Variants in ZNF114 observed in about 807,000 individuals in gnomAD.
ZNF114 encodes zinc finger protein 114 (Y18).
In ZNF114, 8 loss-of-function variants were observed where a neutral mutation model predicts 6.8. That is an observed-to-expected ratio of 1.18 (90% confidence interval 0.69 to 2.13). ZNF114 has a LOEUF of 2.13. ZNF114 is among the 30% of genes most tolerant of loss of function. ZNF114 has a pLI of 0.00. For synonymous variants in ZNF114, 169 were observed against 185.5 expected, an observed-to-expected ratio of 0.91 and a Z score of 0.72; for missense variants, 472 against 519.5, an observed-to-expected ratio of 0.91 and a Z score of 0.89.
intron 4 of ZNF114, among the ~76,000 whole-genome samples, chr19:48,280,264 G>A (rs1568992666): frequency 2.0e-5 from 3 of 152,090 alleles, no homozygotes; most frequent in South Asian, 2.1e-4. Context: ...CACGGCTGTC[G>A]TCCCAGCTAC....
intron 4 of ZNF114, among the ~76,000 whole-genome samples, chr19:48,280,118 C>T (rs537192377): frequency 2.6e-5 from 4 of 152,126 alleles, no homozygotes; most frequent in Non-Finnish European, 5.9e-5. Context: ...TGCAGTGGCT[C>T]AAGCCTGTAA....
chr19:48,282,100 A>ATGCTGGCCAGGCTGGTCTCGAAC (rs1968009091), intron 4 of ZNF114: 1 of 279,216 alleles, frequency 3.6e-6, no homozygotes, highest in South Asian at 3.5e-5. Context: ...GGGTTTCACC[A>ATGCTGGCCAGGCTGGTCTCGAAC]TGCTGGCCAG....
chr19:48,286,327 T>TC lies in ZNF114; in HGVS notation c.706dup (p.Leu236ProfsTer2). On this transcript the variant is annotated frameshift_variant, in exon 6 of 6. Transcript: ENST00000595607. LOFTEE classifies it low-confidence loss of function (END_TRUNC). ...TGGAAAAGCTTTCCGTGAAGACGGA[T>TC]CCCTTAGGGCACACAACACTCATGG... 6.2e-7 allele frequency: 1 copy of TC among 1,614,144 alleles called. No homozygotes were observed. The highest frequency in any genetic ancestry group is 8.5e-7 in the Non-Finnish European group (1 of 1,180,044).
At chr19:48,276,651 G>A (rs76321971) in intron 3 of ZNF114, among the ~76,000 whole-genome samples, 8,738 of 152,196 alleles carry the variant, frequency 0.057, 340 homozygotes, top group Middle Eastern at 0.13. Flanking sequence ...AACCTCCTGA[G>A]TAGCTGAGAC....
chr19:48,277,494 C>T (rs1240736268), intron 3 of ZNF114, among the ~76,000 whole-genome samples: 4 of 151,890 alleles, frequency 2.6e-5, no homozygotes, highest in African/African-American at 9.7e-5. Flanking sequence ...TGTTTTTTTC[C>T]CCCTCTGGTT....
intron 3 of ZNF114, among the ~76,000 whole-genome samples, chr19:48,272,858 C>T (rs535170679): frequency 2.9e-3 from 407 of 140,848 alleles, no homozygotes; most frequent in Admixed American, 7.3e-3. Flanking sequence ...CGCTGTGGCG[C>T]GATCTCTGCT....
chr19:48,273,549 C>T (rs889611969), intron 3 of ZNF114, among the ~76,000 whole-genome samples: 4 of 151,160 alleles, frequency 2.6e-5, no homozygotes, highest in African/African-American at 7.3e-5. Flanking sequence ...TTGAAATAGG[C>T]GGTTTTATCT....
chr19:48,279,015 AG>A (rs1265412737), intron 3 of ZNF114, among the ~76,000 whole-genome samples: 1 of 152,126 alleles, frequency 6.6e-6, no homozygotes, highest in Admixed American at 6.6e-5. Context: ...GTGACTGCTA[AG>A]GGGGATGGGG....
intron 3 of ZNF114, among the ~76,000 whole-genome samples, chr19:48,277,794 G>GGGGGGTGTGTGTGTGTGT (rs1330052475): frequency 9.4e-4 from 112 of 119,408 alleles, no homozygotes; most frequent in Middle Eastern, 4.6e-3. Flanking sequence ...GGAGGCATTG[G>GGGGGGTGTGTGTGTGTGT]GTGTGTGTGT....
At chr19:48,284,579 C>T (rs1026458758) in intron 5 of ZNF114, among the ~76,000 whole-genome samples, 2 of 152,078 alleles carry the variant, frequency 1.3e-5, no homozygotes, top group Non-Finnish European at 2.9e-5. Context: ...TACAGGCACA[C>T]GCCACCATGC....
In ZNF114 at chr19:48,282,478, T is replaced by C. The variant is rs755857871; in HGVS notation, c.117T>C (p.Ser39=). 1 of 1,609,608 alleles carries C rather than the reference T, an allele frequency of 6.2e-7. No homozygotes were observed. The highest frequency in any genetic ancestry group is 8.5e-7 in the Non-Finnish European group (1 of 1,176,980). Residue 39 remains serine, a synonymous_variant, in exon 5 of 6, where the codon TCT becomes TCC. Coordinates refer to ENST00000595607, the MANE Select transcript of ZNF114 (RefSeq NM_153608.4). ...ACAGAGACGTGATGCTGGAAAATTC[T>C]AGGAACTTGGCATTCATAGGTAAGG... ...NLYRDVMLEN[S]RNLAFIDWAT... is the part of the protein sequence containing the mutation.
intron 4 of ZNF114, among the ~76,000 whole-genome samples, chr19:48,281,179 A>G (rs1435812987): frequency 6.6e-6 from 1 of 151,892 alleles, no homozygotes; most frequent in Non-Finnish European, 1.5e-5. Flanking sequence ...ACCGGACGTC[A>G]GTCTCTACCA....
chr19:48,276,417 A>C (rs1203212382), intron 3 of ZNF114, among the ~76,000 whole-genome samples: 1 of 152,028 alleles, frequency 6.6e-6, no homozygotes, highest in Non-Finnish European at 1.5e-5. Context: ...TACGCCCAGC[A>C]AGTCCTGAGT....
At chr19:48,278,990 AGG>A (rs958056625) in intron 3 of ZNF114, among the ~76,000 whole-genome samples, 2 of 151,756 alleles carry the variant, frequency 1.3e-5, no homozygotes, top group African/African-American at 4.8e-5. Flanking sequence ...AGCTGGGTGA[AGG>A]GGAGAATGGG....
chr19:48,286,532 C>A lies in ZNF114; in HGVS notation c.908C>A (p.Thr303Asn), dbSNP rs754291275. 1 of 1,614,174 alleles carries A rather than the reference C, an allele frequency of 6.2e-7. No homozygotes were observed. The highest frequency in any genetic ancestry group is 1.1e-5 in the South Asian group (1 of 91,078). ...AAGAGTCATTGCACTGGAGAGAAAA[C>A]CCATAAATGCCCCGAATGTGGGAGA... is the stretch of plus-strand genomic sequence containing the variant. ...SHKSHCTGEK[T>N]HKCPECGRAF... Residue 303 changes from threonine to asparagine, a missense_variant, in exon 6 of 6, where the codon ACC (threonine) becomes AAC (asparagine). Physicochemically the swap from Thr to Asn is moderately conservative, Grantham distance 65. Coordinates refer to ENST00000595607, the MANE Select transcript of ZNF114 (RefSeq NM_153608.4).
intron 3 of ZNF114, among the ~76,000 whole-genome samples, chr19:48,274,466 T>C (rs1967765716): frequency 6.7e-6 from 1 of 148,464 alleles, no homozygotes. Flanking sequence ...TGTTTTGTTT[T>C]AATAGAAAAA....
chr19:48,280,201 A>G (rs989382633), intron 4 of ZNF114, among the ~76,000 whole-genome samples: 1 of 152,030 alleles, frequency 6.6e-6, no homozygotes, highest in African/African-American at 2.4e-5. Context: ...TGGGCAATGT[A>G]GCAAGACCAC....
chr19:48,279,916 C>CT, intron 4 of ZNF114, 108 bp downstream of exon 4: 1 of 1,530,630 alleles, frequency 6.5e-7, no homozygotes, highest in South Asian at 1.1e-5. Flanking sequence ...CCAGGCAGGG[C>CT]CCCCCGCCAG....
At chr19:48,281,705 TTTGTAGACGGG>T (rs1967997262) in intron 4 of ZNF114, 1 of 148,900 alleles carries the variant, frequency 6.7e-6, no homozygotes, top group Non-Finnish European at 1.5e-5. Context: ...TTTTTTATTT[TTTGTAGACGGG>T]TTGTCACTGT....
Sources: allele counts gnomAD v4.1 joint callset (sites outside exome capture counted in the v4.1 genomes callset), GRCh38; gene constraint gnomAD v4.1.1; transcripts MANE v1.5; gene names NCBI Gene and HGNC (gene_info 2026-07-23, HGNC 2026-07-21).